Variants in SLC4A4 observed in about 807,000 individuals in gnomAD.
SLC4A4 encodes electrogenic sodium bicarbonate cotransporter 1.
In SLC4A4, 27 loss-of-function variants were observed where a neutral mutation model predicts 111.5. The observed-to-expected ratio is 0.24, with a 90% CI of 0.18 to 0.33. The LOEUF (loss-of-function observed/expected upper bound fraction) is 0.33. Ranked by LOEUF, SLC4A4 falls within the 10% of genes least tolerant of loss-of-function variation. The probability of loss-of-function intolerance (pLI) is 1.00; values close to 1 mark genes in which losing one functional copy is unlikely to be tolerated. For synonymous variants in SLC4A4, 443 were observed against 463.4 expected (o/e 0.96, Z 0.57); for missense variants, 909 against 1,315.5 (o/e 0.69, Z 4.78).
intron 7 of SLC4A4, among the ~76,000 whole-genome samples, chr4:71,425,962 TC>T (rs1232120848): frequency 6.6e-6 from 1 of 151,986 alleles, no homozygotes; most frequent in African/African-American, 2.4e-5. Context: ...GGAAAGGGAA[TC>T]TCTATAGAAT....
rs371765559 is a variant in SLC4A4, at chr4:71,256,764, C to A, written c.253+1365C>A. Among the ~76,000 whole-genome samples the A allele has an allele frequency of 2.6e-5, 4 of 152,244 alleles. No individual in the cohort carries two copies. The East Asian group carries it at 7.7e-4, about 29-fold the overall frequency. ...GTCTGGAGGAACAAAAGATAACATT[C>A]TTTTCCAAATAAATGACTACCATTT... On this transcript the variant is annotated intron_variant, in intron 3 of 25. Coordinates refer to ENST00000264485, the MANE Select transcript of SLC4A4 (RefSeq NM_001098484.3).
chr4:71,108,737 T>TTC (rs928265890), intron 2 of SLC4A4, among the ~76,000 whole-genome samples: 1 of 151,786 alleles, frequency 6.6e-6, no homozygotes, highest in African/African-American at 2.4e-5. Flanking sequence ...TCCAACCCCT[T>TTC]TCTCTCTCTC....
At chr4:71,093,146 T>C (rs1742434533) in intron 2 of SLC4A4, among the ~76,000 whole-genome samples, 2 of 152,094 alleles carry the variant, frequency 1.3e-5, no homozygotes, top group African/African-American at 4.8e-5. Context: ...TCTTGTATTT[T>C]GACCTCTTTT....
chr4:71,222,683 A>G (rs1718818408), intron 1 of SLC4A4, among the ~76,000 whole-genome samples: 1 of 152,250 alleles, frequency 6.6e-6, no homozygotes, highest in Non-Finnish European at 1.5e-5. Flanking sequence ...CATTGTGGAA[A>G]GAGACATTTT....
At chr4:71,144,915 T>A (rs1169535531) in intron 2 of SLC4A4, among the ~76,000 whole-genome samples, 3 of 152,132 alleles carry the variant, frequency 2.0e-5, no homozygotes, top group Non-Finnish European at 4.4e-5. Context: ...TGACTTCCTC[T>A]TTTCCTAATT....
chr4:71,347,628 G>T (rs954188701), intron 4 of SLC4A4, among the ~76,000 whole-genome samples: 1 of 152,076 alleles, frequency 6.6e-6, no homozygotes, highest in Non-Finnish European at 1.5e-5. Context: ...AATTTTGTGG[G>T]GACATAGACA....
At chr4:71,170,409 C>T (rs540489933) in intron 2 of SLC4A4, among the ~76,000 whole-genome samples, 100 of 152,234 alleles carry the variant, frequency 6.6e-4, no homozygotes, top group Non-Finnish European at 1.2e-3. Flanking sequence ...AGTCTAATTT[C>T]TCATGAAAAC....
At chr4:71,361,350 A>T (rs896995984) in intron 6 of SLC4A4, among the ~76,000 whole-genome samples, 1 of 152,244 alleles carries the variant, frequency 6.6e-6, no homozygotes, top group African/African-American at 2.4e-5. Context: ...GTTCAAGACG[A>T]TTTTATGTTT....
At chr4:71,293,551 TAA>T (rs201768749) in intron 3 of SLC4A4, among the ~76,000 whole-genome samples, 30 of 140,720 alleles carry the variant, frequency 2.1e-4, no homozygotes, top group Admixed American at 9.1e-4. Flanking sequence ...CGACTCCGTC[TAA>T]AAAAAAAAAA....
chr4:71,486,323 G>A (rs1036031523), intron 14 of SLC4A4, among the ~76,000 whole-genome samples: 8 of 151,450 alleles, frequency 5.3e-5, no homozygotes, highest in East Asian at 2.0e-4. Context: ...CAAGAGGAAC[G>A]TTGGTTTAAT....
chr4:71,476,709 C>A (rs1184515599), intron 14 of SLC4A4, among the ~76,000 whole-genome samples: 1 of 151,526 alleles, frequency 6.6e-6, no homozygotes, highest in East Asian at 2.0e-4. Flanking sequence ...GCACTTTTTT[C>A]TCCATTCATT....
chr4:71,141,038 A>G (rs1457854131), intron 2 of SLC4A4, among the ~76,000 whole-genome samples: 4 of 152,200 alleles, frequency 2.6e-5, no homozygotes, highest in African/African-American at 9.7e-5. Context: ...TTCCTTAGCA[A>G]TTGTGAAATG....
At chr4:71,122,703 G>A (rs1743466205) in intron 2 of SLC4A4, among the ~76,000 whole-genome samples, 1 of 152,154 alleles carries the variant, frequency 6.6e-6, no homozygotes, top group African/African-American at 2.4e-5. Flanking sequence ...AAATTGAACT[G>A]TCTCAGGCTT....
intron 6 of SLC4A4, among the ~76,000 whole-genome samples, chr4:71,394,841 G>A (rs938141376): frequency 1.3e-5 from 2 of 152,056 alleles, no homozygotes; most frequent in African/African-American, 4.8e-5. Context: ...ACCAAACATC[G>A]TATGTTCTCA....
intron 2 of SLC4A4, among the ~76,000 whole-genome samples, chr4:71,238,133 A>G (rs1445169258): frequency 6.6e-6 from 1 of 152,212 alleles, no homozygotes; most frequent in Non-Finnish European, 1.5e-5. Context: ...AATAGCCTAT[A>G]GTTTTAAGAC....
At chr4:71,293,405 A>T (rs908976237) in intron 3 of SLC4A4, among the ~76,000 whole-genome samples, 1 of 151,646 alleles carries the variant, frequency 6.6e-6, no homozygotes, top group Non-Finnish European at 1.5e-5. Context: ...TCTACTAAAA[A>T]TACCAAAATT....
chr4:71,314,031 T>G (rs948498633), intron 3 of SLC4A4, among the ~76,000 whole-genome samples: 4 of 151,602 alleles, frequency 2.6e-5, no homozygotes, highest in African/African-American at 9.7e-5. Context: ...CTGACAAAGG[T>G]CTAATTTCCA....
chr4:71,505,624 C>T (rs756579580), intron 16 of SLC4A4, among the ~76,000 whole-genome samples: 1 of 152,114 alleles, frequency 6.6e-6, no homozygotes, highest in Admixed American at 6.6e-5. Flanking sequence ...CAAAAATTTT[C>T]TTCCATTCTG....
intron 1 of SLC4A4, among the ~76,000 whole-genome samples, chr4:71,088,991 G>A (rs1742289838): frequency 6.6e-6 from 1 of 152,060 alleles, no homozygotes; most frequent in Non-Finnish European, 1.5e-5. Flanking sequence ...ACAATATCCT[G>A]CAGAATGTTT....
Sources: allele counts gnomAD v4.1 joint callset (sites outside exome capture counted in the v4.1 genomes callset), GRCh38; gene constraint gnomAD v4.1.1; transcripts MANE v1.5; gene names NCBI Gene and HGNC (gene_info 2026-07-23, HGNC 2026-07-21).